ZNF10: variants seen among roughly 807,000 people sequenced by gnomAD.
ZNF10 encodes zinc finger protein 10, also known as zinc finger protein 10 (KOX 1).
In ZNF10, 8 loss-of-function variants were observed where a neutral mutation model predicts 12.2. That is an observed-to-expected ratio of 0.66 (90% CI 0.39 to 1.18). The LOEUF (loss-of-function observed/expected upper bound fraction) is 1.18, where lower values mean the gene tolerates loss of function less well. Among genes scored for constraint, ZNF10 ranks in the 50% most tolerant of loss-of-function variants. The pLI is 0.01. For synonymous variants in ZNF10, 229 were observed against 228.2 expected (o/e 1.00, Z -0.03); for missense variants, 603 against 678.9 (o/e 0.89, Z 1.24).
In ZNF10 at chr12:133,159,139, T is replaced by A. The variant is rs1956058523; in HGVS notation, c.*2171T>A. 3 of 152,168 alleles carry A rather than the reference T, an allele frequency of 2.0e-5. No individual in the cohort carries two copies. Among genetic ancestry groups the A allele is most frequent in the Admixed American group, 2.0e-4 (3 of 15,274 alleles). The allele number at this position is 152,168 out of a possible 1,614,324, so 9.4% of individuals were successfully genotyped here. The stretch of plus-strand genomic sequence containing the variant: ...GATATGTATGAATCACATAAAAGAG[T>A]GCCTGGCACATAGTAGGTGCCATTA... On this transcript the variant is annotated 3_prime_UTR_variant, in exon 5 of 5. Coordinates refer to ENST00000248211, the MANE Select transcript of ZNF10 (RefSeq NM_015394.5).
Position 133,156,330 on chromosome 12 carries a change from T to C in ZNF10, c.1084T>C (p.Ser362Pro), listed in dbSNP as rs1368493901. 1 of 1,614,090 alleles carries C rather than the reference T, an allele frequency of 6.2e-7. No homozygotes were observed. The highest frequency in any genetic ancestry group is 8.5e-7 in the Non-Finnish European group (1 of 1,180,008). The change falls in exon 5 of 5, where the codon TCT (serine) becomes CCT (proline). Residue 362 changes from serine to proline, a missense_variant. By Grantham distance (74) the Ser-to-Pro change is moderately conservative. Around this residue, in one of 3 missense-constraint regions of ZNF10, gnomAD observed 204 missense variants for 262.8 expected, o/e 0.78. Transcript: ENST00000248211. Reference protein sequence around the residue: ...NQCGKSFVHSSRLIRHQRTHT... With the variant: ...NQCGKSFVHSPRLIRHQRTHT... ...GTGTGGGAAATCTTTTGTTCATAGC[T>C]CTAGGCTTATTAGACACCAGAGGAC...
chr12:133,155,952 A>G lies in ZNF10; in HGVS notation c.706A>G (p.Lys236Glu). 1 of 1,614,088 alleles carries G rather than the reference A, an allele frequency of 6.2e-7. No homozygotes were observed. Among genetic ancestry groups the G allele is most frequent in the Non-Finnish European group, 8.5e-7 (1 of 1,180,012 alleles). Residue 236 changes from lysine to glutamate, a missense_variant, in exon 5 of 5, where the codon AAA becomes GAA. This residue lies in a region of ZNF10 where 393 missense variants were observed against 399.7 expected (regional missense o/e 0.98). Transcript: ENST00000248211. ...IQFARTHTGD[K>E]SYKCPDNDNS... The stretch of plus-strand genomic sequence containing the variant: ...GTTTGCAAGAACTCACACAGGTGAT[A>G]AATCCTACAAATGCCCTGATAATGA...
chr12:133,137,141 A>G (rs1239494021), intron 1 of ZNF10, among the ~76,000 whole-genome samples: 1 of 152,194 alleles, frequency 6.6e-6, no homozygotes, highest in East Asian at 1.9e-4. Context: ...ACCCAAATCT[A>G]CCTGCTCTCC....
chr12:133,131,636 C>T (rs1477315879), intron 1 of ZNF10, among the ~76,000 whole-genome samples: 2 of 152,170 alleles, frequency 1.3e-5, no homozygotes, highest in African/African-American at 4.8e-5. Context: ...TAACTTTTCT[C>T]TTGTGACATA....
intron 1 of ZNF10, among the ~76,000 whole-genome samples, chr12:133,133,679 G>A (rs1329097523): frequency 1.3e-5 from 2 of 152,184 alleles, no homozygotes; most frequent in African/African-American, 4.8e-5. Flanking sequence ...TGTAGTGGGA[G>A]TTAAGTTGAA....
intron 2 of ZNF10, among the ~76,000 whole-genome samples, chr12:133,148,018 T>C (rs1387330775): frequency 6.6e-6 from 1 of 152,192 alleles, no homozygotes; most frequent in Non-Finnish European, 1.5e-5. Context: ...GCAAATATTA[T>C]TTCCTGGTCT....
intron 1 of ZNF10, among the ~76,000 whole-genome samples, chr12:133,139,629 T>C (rs571350948): frequency 6.6e-6 from 1 of 152,250 alleles, no homozygotes; most frequent in East Asian, 1.9e-4. Context: ...AGGAGGTCTC[T>C]AGGTGAAGAA....
At chr12:133,153,795 TGTTAAGTCTAAAA>T (rs1364723584) in intron 4 of ZNF10, among the ~76,000 whole-genome samples, 1 of 152,236 alleles carries the variant, frequency 6.6e-6, no homozygotes, top group Non-Finnish European at 1.5e-5. Context: ...AGCTGGAGGC[TGTTAAGTCTAAAA>T]TGAAGATGTC....
intron 2 of ZNF10, 84 bp downstream of exon 2, chr12:133,144,609 C>T (rs1405363137): frequency 1.5e-6 from 2 of 1,361,574 alleles, no homozygotes; most frequent in Admixed American, 2.0e-5. Context: ...GAAATTATAT[C>T]TTCTTCTCCA....
At position 133,155,678 on chromosome 12, in the gene ZNF10, G is replaced by A. The variant is rs1257611027; in HGVS notation, c.432G>A (p.Glu144=). The A allele has an allele frequency of 1.9e-6, 3 of 1,612,924 alleles. No homozygotes were observed. Among genetic ancestry groups the A allele is most frequent in the Non-Finnish European group, 1.7e-6 (2 of 1,179,742 alleles). The change falls in exon 5 of 5, where the codon GAG becomes GAA. Residue 144 remains glutamate (E), a synonymous_variant. Transcript: ENST00000248211. Reference sequence around the variant, plus strand: ...TAGACAAGTATCAGGAAAACCCAGAGAGACATTTGAGGCAAGTGGCATTCA... The same window carrying A: ...TAGACAAGTATCAGGAAAACCCAGAAAGACATTTGAGGCAAGTGGCATTCA... ...DQLDKYQENP[E]RHLRQVAFTQ...
rs376059486 is a variant in ZNF10, at chr12:133,156,624, C to A, written c.1378C>A (p.Pro460Thr). Reference sequence around the variant, plus strand: ...TCAAAGAACCCACACTGGAGAGAAACCATATGAGTGTCATGATTGTGGAAA... The same window carrying A: ...TCAAAGAACCCACACTGGAGAGAAAACATATGAGTGTCATGATTGTGGAAA... Reference protein sequence around the residue: ...SHQRTHTGEKPYECHDCGKSF... With the variant: ...SHQRTHTGEKTYECHDCGKSF... Residue 460 changes from proline to threonine, a missense_variant, in exon 5 of 5, where the codon CCA becomes ACA. Coordinates refer to ENST00000248211, the MANE Select transcript of ZNF10 (RefSeq NM_015394.5). 6.2e-7 allele frequency: 1 copy of A among 1,613,946 alleles called. No individual in the cohort carries two copies. The highest frequency in any genetic ancestry group is 8.5e-7 in the Non-Finnish European group (1 of 1,180,006).
chr12:133,136,786 T>C (rs1299022506), intron 1 of ZNF10, among the ~76,000 whole-genome samples: 1 of 152,196 alleles, frequency 6.6e-6, no homozygotes, highest in Non-Finnish European at 1.5e-5. Context: ...TACTCTTAAA[T>C]ATGTGACAAA....
intron 1 of ZNF10, among the ~76,000 whole-genome samples, chr12:133,138,309 C>T (rs544981189): frequency 1.9e-4 from 29 of 150,344 alleles, no homozygotes; most frequent in African/African-American, 5.9e-4. Context: ...AAACCAGAAG[C>T]CTTACTGTAG....
intron 2 of ZNF10, among the ~76,000 whole-genome samples, chr12:133,146,737 C>G (rs1955978450): frequency 6.6e-6 from 1 of 152,002 alleles, no homozygotes; most frequent in East Asian, 1.9e-4. Context: ...ACTCAGGTAC[C>G]TGGGAGGCTG....
At chr12:133,150,942 C>A in intron 2 of ZNF10, 86 bp from the exon 3 acceptor site, 1 of 1,509,218 alleles carries the variant, frequency 6.6e-7, no homozygotes, top group South Asian at 1.3e-5. Flanking sequence ...GTGCTGTCAG[C>A]TTAATTTCTC....
At chr12:133,154,042 C>G (rs1243991282) in intron 4 of ZNF10, among the ~76,000 whole-genome samples, 2 of 151,510 alleles carry the variant, frequency 1.3e-5, no homozygotes, top group South Asian at 4.2e-4. Flanking sequence ...CTAATTACAT[C>G]TGGAAAGACT....
chr12:133,139,080 G>C (rs1264884040), intron 1 of ZNF10: 3 of 152,214 alleles, frequency 2.0e-5, no homozygotes, highest in African/African-American at 4.8e-5. Flanking sequence ...ACAGGGTAAG[G>C]ACAGAGACCT....
chr12:133,143,427 A>G (rs1279193679), intron 1 of ZNF10: 1 of 152,142 alleles, frequency 6.6e-6, no homozygotes, highest in Admixed American at 6.5e-5. Flanking sequence ...ATTGTACCAT[A>G]TGGCTCTTTA....
intron 2 of ZNF10, 99 bp from the exon 3 acceptor site, chr12:133,150,929 C>G: frequency 6.9e-7 from 1 of 1,453,948 alleles, no homozygotes. Flanking sequence ...TTTACCTGCC[C>G]CAGTGCTGTC....
Sources: allele counts gnomAD v4.1 joint callset (sites outside exome capture counted in the v4.1 genomes callset), GRCh38; gene constraint gnomAD v4.1.1; regional missense constraint gnomAD v4.1.1; transcripts MANE v1.5; gene names NCBI Gene and HGNC (gene_info 2026-07-23, HGNC 2026-07-21).